MYOM1: variants seen among roughly 807,000 people sequenced by gnomAD.
The protein encoded by MYOM1 is myomesin 1, also known as myomesin-1.
A neutral mutation model predicts 205.3 loss-of-function variants in MYOM1; 164 were observed. The observed-to-expected ratio is 0.80, with a 90% CI of 0.70 to 0.91. The LOEUF (loss-of-function observed/expected upper bound fraction) is 0.91, where lower values mean the gene tolerates loss of function less well. MYOM1 is among the 40% of genes least tolerant of loss of function. The probability of loss-of-function intolerance (pLI) is 0.00; values close to 1 mark genes in which losing one functional copy is unlikely to be tolerated. For synonymous variants in MYOM1, 772 were observed against 789.4 expected, an observed-to-expected ratio of 0.98 and a Z score of 0.37; for missense variants, 2,011 against 2,127.3, an observed-to-expected ratio of 0.95 and a Z score of 1.08.
chr18:3,196,612 G>A (rs2080991836), intron 2 of MYOM1, among the ~76,000 whole-genome samples: 1 of 152,150 alleles, frequency 6.6e-6, no homozygotes, highest in Non-Finnish European at 1.5e-5. Context: ...TGTGTGTGCA[G>A]GTATCTATGA....
upstream of MYOM1, among the ~76,000 whole-genome samples, chr18:3,220,381 G>C (rs16944525): frequency 0.011 from 1,739 of 152,246 alleles, 29 homozygotes; most frequent in African/African-American, 0.04. Context: ...CTAACTAAAG[G>C]CAAAACAAGG....
At chr18:3,197,845 C>T (rs2081013182) in intron 2 of MYOM1, among the ~76,000 whole-genome samples, 2 of 151,964 alleles carry the variant, frequency 1.3e-5, no homozygotes, top group South Asian at 2.1e-4. Context: ...TGCACTCTGG[C>T]CTGGGTGACA....
intron 2 of MYOM1, among the ~76,000 whole-genome samples, chr18:3,199,717 A>G (rs2081041669): frequency 6.6e-6 from 1 of 152,142 alleles, no homozygotes; most frequent in African/African-American, 2.4e-5. Flanking sequence ...GCACATGCCT[A>G]TAGTCCCAGC....
chr18:3,208,979 T>C (rs925680083), intron 2 of MYOM1, among the ~76,000 whole-genome samples: 5 of 152,274 alleles, frequency 3.3e-5, no homozygotes, highest in African/African-American at 1.2e-4. Flanking sequence ...GTCAATTGGC[T>C]CAATATTTTT....
chr18:3,132,048 TA>T (rs1214247966), intron 16 of MYOM1, among the ~76,000 whole-genome samples: 4 of 146,644 alleles, frequency 2.7e-5, no homozygotes, highest in East Asian at 2.0e-4. Flanking sequence ...TATGTATATA[TA>T]ATAATAATAT....
Position 3,164,332 on chromosome 18 carries a change from G to A in MYOM1, c.1447C>T (p.Arg483Cys), listed in dbSNP as rs769926386. ...NKEDEGLYTI[R>C]VRMGEYYEQY... ...TCATAATATTCTCCCATCCGTACAC[G>A]GATTGTATAGAGGCCTTCATCTTCT... Residue 483 changes from arginine (R) to cysteine (C), a missense_variant, in exon 10 of 38, where the codon CGT becomes TGT. Physicochemically the swap from Arg to Cys is radical, Grantham distance 180. Transcript: ENST00000356443. 6.8e-6 allele frequency: 11 copies of A among 1,612,778 alleles called. No individual in the cohort carries two copies. In the East Asian group the frequency reaches 2.2e-4, roughly 33 times the overall value.
intron 8 of MYOM1, among the ~76,000 whole-genome samples, chr18:3,171,115 C>T (rs1401803481): frequency 6.6e-6 from 1 of 152,234 alleles, no homozygotes; most frequent in Non-Finnish European, 1.5e-5. Context: ...TAACTGACCA[C>T]ATTCCCCTGC....
At chr18:3,079,856 T>C (rs2079064257) in intron 33 of MYOM1, among the ~76,000 whole-genome samples, 1 of 152,148 alleles carries the variant, frequency 6.6e-6, no homozygotes, top group Admixed American at 6.5e-5. Context: ...CACTTGGTAG[T>C]AGAGCCAAGA....
Position 3,135,621 on chromosome 18 carries a change from A to G in MYOM1, c.2135T>C (p.Val712Ala), listed in dbSNP as rs1486875567. The change falls in exon 15 of 38, where the codon GTC becomes GCC. Residue 712 changes from valine (V) to alanine (A), a missense_variant. Transcript: ENST00000356443. This position sits in a 1 kb window ranked among gnomAD's most constrained non-coding sequence, Gnocchi z 4.1. ...AACTCCTGCAGAATTAGAACAGCGG[A>G]CACGGAAACAGTAGGATTTCCCCTC... is the stretch of plus-strand genomic sequence containing the variant. The part of the protein sequence containing the change: ...LAEGKSYCFR[V>A]RCSNSAGVGE... 5 of 1,613,788 alleles carry G rather than the reference A, an allele frequency of 3.1e-6. No individual in the cohort carries two copies. Among genetic ancestry groups the G allele is most frequent in the Non-Finnish European group, 4.2e-6 (5 of 1,179,904 alleles).
At chr18:3,085,222 G>A in intron 30 of MYOM1, 90 bp from the exon 31 acceptor site, 1 of 229,958 alleles carries the variant, frequency 4.3e-6, no homozygotes, top group Non-Finnish European at 7.6e-6. Context: ...TTCTTCTGCT[G>A]CTGCTGCTTT....
chr18:3,090,869 G>A lies in MYOM1; in HGVS notation c.3865-67C>T, dbSNP rs578173326. 320 of 1,586,760 alleles carry A rather than the reference G, an allele frequency of 2.0e-4. 2 individuals carry two copies. In the East Asian group the frequency reaches 4.4e-3, roughly 22 times the overall value. ...TATATTTTACTTGGAATGACAACAA[G>A]CTTGATGAAATAAAAATAAACCCCA... On this transcript the variant is annotated intron_variant, in intron 26 of 37. Transcript: ENST00000356443.
intron 13 of MYOM1, among the ~76,000 whole-genome samples, chr18:3,147,792 T>C (rs2080151294): frequency 6.6e-6 from 1 of 152,172 alleles, no homozygotes; most frequent in Non-Finnish European, 1.5e-5. Flanking sequence ...TTAATAGCCA[T>C]ATGCAAGTAT....
intron 22 of MYOM1, 121 bp downstream of exon 22, chr18:3,112,177 A>G (rs2079536400): frequency 1.3e-6 from 1 of 753,688 alleles, no homozygotes. Flanking sequence ...TTACTTATCA[A>G]TTATATTCAG....
upstream of MYOM1, among the ~76,000 whole-genome samples, chr18:3,222,132 A>G (rs369993389): frequency 6.6e-6 from 1 of 152,260 alleles, no homozygotes; most frequent in East Asian, 1.9e-4. Context: ...TTTTCAGGAT[A>G]ATCACATATC....
At chr18:3,143,104 G>GA (rs2080075244) in intron 13 of MYOM1, among the ~76,000 whole-genome samples, 1 of 152,216 alleles carries the variant, frequency 6.6e-6, no homozygotes, top group African/African-American at 2.4e-5. Flanking sequence ...ATCAAATGCT[G>GA]AAAAAACAGT....
intron 2 of MYOM1, among the ~76,000 whole-genome samples, chr18:3,208,031 T>C (rs1019876093): frequency 3.3e-5 from 5 of 152,222 alleles, no homozygotes. Context: ...TTTGGTCCTT[T>C]CTTGCTTTAA....
chr18:3,238,381 G>C, the MYOM1 span, among the ~76,000 whole-genome samples: 1 of 152,044 alleles, frequency 6.6e-6, no homozygotes, highest in Non-Finnish European at 1.5e-5. Flanking sequence ...TGGGGGAGGG[G>C]GGAGGCAGGG....
At chr18:3,200,493 G>A (rs571610258) in intron 2 of MYOM1, among the ~76,000 whole-genome samples, 1 of 152,202 alleles carries the variant, frequency 6.6e-6, no homozygotes, top group South Asian at 2.1e-4. Context: ...TTAAAGGAAT[G>A]TATTACAACA....
intron 25 of MYOM1, among the ~76,000 whole-genome samples, chr18:3,099,844 T>A (rs887783490): frequency 9.2e-5 from 14 of 152,224 alleles, no homozygotes; most frequent in African/African-American, 3.4e-4. Context: ...AAAATATATA[T>A]GTGATTCCAA....
Sources: gnomAD v4.1 joint callset for allele counts (sites outside exome capture counted in the v4.1 genomes callset) on GRCh38, gnomAD v4.1.1 for gene constraint, Gnocchi (gnomAD v3.1) non-coding constraint, MANE v1.5 for transcripts, NCBI Gene and HGNC (gene_info 2026-07-23, HGNC 2026-07-21) for gene names.